The following MMP26 variants were observed in gnomAD, a reference collection of about 807,000 sequenced individuals.
MMP26 encodes matrix metalloproteinase-26.
In MMP26, 33 loss-of-function variants were observed where a neutral mutation model predicts 31.0. The observed-to-expected ratio is 1.06, with a 90% CI of 0.81 to 1.42. The LOEUF (loss-of-function observed/expected upper bound fraction) is 1.42. Among genes scored for constraint, MMP26 ranks in the 40% most tolerant of loss-of-function variants. MMP26 has a pLI of 0.00. For synonymous variants in MMP26, 122 were observed against 114.9 expected, an observed-to-expected ratio of 1.06 and a Z score of -0.40; for missense variants, 347 against 316.1, an observed-to-expected ratio of 1.10 and a Z score of -0.74.
At chr11:4,885,335 C>T (rs1589929372) in intron 2 of MMP26, among the ~76,000 whole-genome samples, 2 of 152,092 alleles carry the variant, frequency 1.3e-5, no homozygotes, top group South Asian at 4.2e-4. Flanking sequence ...AGTCATATGC[C>T]CCACAATGAC....
At chr11:4,769,893 A>T in intron 2 of MMP26, 1 of 1,608,184 alleles carries the variant, frequency 6.2e-7, no homozygotes, top group Non-Finnish European at 8.5e-7. Flanking sequence ...GGAAATTTAG[A>T]TGTTGAGTTG....
intron 1 of MMP26, among the ~76,000 whole-genome samples, chr11:4,733,916 A>G (rs1848205527): frequency 1.3e-5 from 2 of 152,146 alleles, no homozygotes; most frequent in South Asian, 2.1e-4. Flanking sequence ...TGCTTCTTCT[A>G]CACCTTTGAG....
intron 2 of MMP26, among the ~76,000 whole-genome samples, chr11:4,965,522 C>T (rs1313808875): frequency 2.6e-5 from 4 of 152,020 alleles, no homozygotes; most frequent in Non-Finnish European, 5.9e-5. Context: ...GATAATGAGG[C>T]CAAGTTTAAT....
chr11:4,865,684 G>A (rs1850224848), intron 2 of MMP26, among the ~76,000 whole-genome samples: 2 of 152,014 alleles, frequency 1.3e-5, no homozygotes, highest in Admixed American at 1.3e-4. Flanking sequence ...GTTTTATCAG[G>A]CTGGTATTTG....
chr11:4,979,730 G>A (rs1047293130), intron 2 of MMP26, among the ~76,000 whole-genome samples: 11 of 152,100 alleles, frequency 7.2e-5, no homozygotes, highest in Non-Finnish European at 1.2e-4. Context: ...GAAAATGACT[G>A]TAGACTGCTG....
chr11:4,896,167 C>A (rs1292720623), intron 2 of MMP26, among the ~76,000 whole-genome samples: 2 of 152,236 alleles, frequency 1.3e-5, no homozygotes, highest in Middle Eastern at 3.4e-3. Flanking sequence ...ATATTTCAGA[C>A]ACACTTGAGG....
intron 2 of MMP26, among the ~76,000 whole-genome samples, chr11:4,797,204 T>C (rs1430444215): frequency 6.6e-6 from 1 of 152,024 alleles, no homozygotes. Context: ...AACATGACTG[T>C]TGAGGGTTAG....
At chr11:4,921,432 T>A (rs1851182974) in intron 2 of MMP26, among the ~76,000 whole-genome samples, 1 of 152,206 alleles carries the variant, frequency 6.6e-6, no homozygotes, top group African/African-American at 2.4e-5. Flanking sequence ...CAGTGGCAGA[T>A]CCGTGAGGGA....
At chr11:4,848,353 CATAGGATAGAAG>C (rs768595584) in intron 2 of MMP26, 1 of 1,614,076 alleles carries the variant, frequency 6.2e-7, no homozygotes, top group South Asian at 1.1e-5. Context: ...AGGAAATGGA[CATAGGATAGAAG>C]AGTATGGGTA....
chr11:4,747,365 C>T (rs533426360), intron 1 of MMP26, among the ~76,000 whole-genome samples: 1 of 152,136 alleles, frequency 6.6e-6, no homozygotes, highest in South Asian at 2.1e-4. Flanking sequence ...GAAAAGTGTC[C>T]TTAAGAAACT....
chr11:4,899,899 C>T (rs181975683), intron 2 of MMP26, among the ~76,000 whole-genome samples: 7 of 152,230 alleles, frequency 4.6e-5, no homozygotes, highest in East Asian at 1.9e-4. Flanking sequence ...ATAGGAAACA[C>T]AAATTTTCCA....
chr11:4,882,030 A>G, intron 2 of MMP26: 1 of 1,613,812 alleles, frequency 6.2e-7, no homozygotes, highest in Non-Finnish European at 8.5e-7. Flanking sequence ...CTCTTGGGAA[A>G]CAGTATGATC....
intron 1 of MMP26, among the ~76,000 whole-genome samples, chr11:4,725,573 G>A (rs1257096316): frequency 6.6e-6 from 1 of 152,214 alleles, no homozygotes; most frequent in African/African-American, 2.4e-5. Context: ...TATGGACACA[G>A]TATCTTATGA....
intron 2 of MMP26, among the ~76,000 whole-genome samples, chr11:4,796,950 C>T (rs1849115968): frequency 6.6e-6 from 1 of 151,998 alleles, no homozygotes; most frequent in African/African-American, 2.4e-5. Flanking sequence ...CCTGTACTCA[C>T]CTGCTCAGTG....
intron 2 of MMP26, among the ~76,000 whole-genome samples, chr11:4,845,403 A>G (rs1195625550): frequency 2.6e-5 from 4 of 152,164 alleles, no homozygotes; most frequent in African/African-American, 9.6e-5. Context: ...AATAGAAAAA[A>G]CAATCTTAAT....
At chr11:4,758,237 C>G (rs368749011) in intron 1 of MMP26, among the ~76,000 whole-genome samples, 18 of 151,948 alleles carry the variant, frequency 1.2e-4, no homozygotes, top group East Asian at 5.8e-4. Context: ...GTGAAAGAAG[C>G]CAGATGCAGG....
chr11:4,944,354 C>G (rs377107628), intron 2 of MMP26: 2 of 162,852 alleles, frequency 1.2e-5, no homozygotes, highest in Non-Finnish European at 2.7e-5. Flanking sequence ...GAGCCTCAAT[C>G]TCTTCAACTA....
Position 4,839,167 on chromosome 11 carries a change from A to G in MMP26, c.-145+71826A>G, listed in dbSNP as rs150860817. Among the ~76,000 whole-genome samples, 707 of 152,192 alleles carry G rather than the reference A, an allele frequency of 4.6e-3. 7 individuals are homozygous for G. Among genetic ancestry groups the G allele is most frequent in the African/African-American group, 0.016 (670 of 41,534 alleles). The stretch of plus-strand genomic sequence containing the variant: ...AAACAGCCATAATCAGAGGGGAATC[A>G]CTGATCCCAGCAGTCAAAACTGGAC... On this transcript the variant is annotated intron_variant, in intron 2 of 7. Coordinates refer to ENST00000380390, the MANE Select transcript of MMP26 (RefSeq NM_021801.5).
chr11:4,946,967 C>T (rs777600928), intron 2 of MMP26: 1 of 1,604,064 alleles, frequency 6.2e-7, no homozygotes, highest in Non-Finnish European at 8.5e-7. Context: ...AAGAATGGTG[C>T]CATTTCCTAG....
Sources: allele counts gnomAD v4.1 joint callset (sites outside exome capture counted in the v4.1 genomes callset), GRCh38; gene constraint gnomAD v4.1.1; transcripts MANE v1.5; gene names NCBI Gene and HGNC (gene_info 2026-07-23, HGNC 2026-07-21).